ZBTB20: variants seen among roughly 807,000 people sequenced by gnomAD.
ZBTB20 encodes the protein zinc finger and BTB domain-containing protein 20.
A neutral mutation model predicts 56.9 loss-of-function variants in ZBTB20; 9 were observed. The observed-to-expected ratio is 0.16, with a 90% CI of 0.10 to 0.28. The LOEUF (loss-of-function observed/expected upper bound fraction) is 0.28. Ranked by LOEUF, ZBTB20 falls within the 10% of genes least tolerant of loss-of-function variation. The probability of loss-of-function intolerance (pLI) is 1.00; values close to 1 mark genes in which losing one functional copy is unlikely to be tolerated. For synonymous variants in ZBTB20, 417 were observed against 420.7 expected, an observed-to-expected ratio of 0.99 and a Z score of 0.11; for missense variants, 655 against 1,003.0, an observed-to-expected ratio of 0.65 and a Z score of 4.69.
chr3:114,694,141 T>C (rs1307145591), intron 5 of ZBTB20, among the ~76,000 whole-genome samples: 1 of 152,072 alleles, frequency 6.6e-6, no homozygotes, highest in Non-Finnish European at 1.5e-5. Context: ...TATAAATAAA[T>C]GTATAATATT....
At chr3:114,825,204 G>C (rs1199636053) in intron 4 of ZBTB20, among the ~76,000 whole-genome samples, 1 of 151,768 alleles carries the variant, frequency 6.6e-6, no homozygotes, top group Non-Finnish European at 1.5e-5. Context: ...TAGAATTACA[G>C]GTGGAAAGTC....
chr3:114,919,284 G>A lies in ZBTB20; in HGVS notation c.-455-18942C>T, dbSNP rs1312839943. 5.3e-5 allele frequency among the ~76,000 whole-genome samples: 8 copies of A among 152,126 alleles called. No individual in the cohort carries two copies. The East Asian group carries it at 1.3e-3, about 26-fold the overall frequency. ...AATTTGATGGTTGTCATTACAAGGT[G>A]TGTTATATATGCCTCAAGGTGACCA... On this transcript the variant is annotated intron_variant, in intron 3 of 11. Coordinates refer to ENST00000675478, the MANE Select transcript of ZBTB20 (RefSeq NM_001348800.3).
intron 1 of ZBTB20, among the ~76,000 whole-genome samples, chr3:115,085,304 C>T (rs955150132): frequency 1.3e-5 from 2 of 151,896 alleles, no homozygotes; most frequent in Admixed American, 1.3e-4. Context: ...GCCTAGCAGA[C>T]ATTTTAAGTT....
chr3:114,577,624 T>C (rs2054222790), intron 6 of ZBTB20, among the ~76,000 whole-genome samples: 1 of 152,158 alleles, frequency 6.6e-6, no homozygotes, highest in South Asian at 2.1e-4. Flanking sequence ...TCCAGCTCTT[T>C]AGAGTAATGA....
At chr3:114,451,381 G>A (rs1398599244) in intron 7 of ZBTB20, among the ~76,000 whole-genome samples, 3 of 152,054 alleles carry the variant, frequency 2.0e-5, no homozygotes, top group Non-Finnish European at 4.4e-5. Flanking sequence ...GAGGGAGTGG[G>A]CCAAGGGCAG....
intron 3 of ZBTB20, among the ~76,000 whole-genome samples, chr3:114,950,245 AATACCTATTTAAGATTTAACGTATTT>A (rs940966664): frequency 6.6e-6 from 1 of 152,186 alleles, no homozygotes; most frequent in African/African-American, 2.4e-5. Context: ...CCTATACATA[AATACCTATTTAAGATTTAACGTATTT>A]ATACCTATTT....
chr3:115,035,987 T>C (rs1345901010), intron 2 of ZBTB20, among the ~76,000 whole-genome samples: 1 of 152,146 alleles, frequency 6.6e-6, no homozygotes, highest in Non-Finnish European at 1.5e-5. Flanking sequence ...AGACAAATAT[T>C]GTATGATCCA....
At chr3:115,016,134 A>G (rs2079945264) in intron 2 of ZBTB20, among the ~76,000 whole-genome samples, 1 of 151,946 alleles carries the variant, frequency 6.6e-6, no homozygotes, top group South Asian at 2.1e-4. Context: ...GTGTCTGTTC[A>G]TGTGCTCTGC....
intron 6 of ZBTB20, among the ~76,000 whole-genome samples, chr3:114,580,887 T>C (rs1032684311): frequency 6.6e-6 from 1 of 151,928 alleles, no homozygotes; most frequent in African/African-American, 2.4e-5. Context: ...TATTTTCTAA[T>C]GTTAATGTAA....
At chr3:114,850,224 C>T (rs1480483898) in intron 4 of ZBTB20, among the ~76,000 whole-genome samples, 4 of 152,076 alleles carry the variant, frequency 2.6e-5, no homozygotes, top group South Asian at 2.1e-4. Context: ...TTTCCCAAAA[C>T]ATCCTGTATA....
intron 6 of ZBTB20, among the ~76,000 whole-genome samples, chr3:114,537,639 C>T (rs1450226921): frequency 6.6e-6 from 1 of 152,042 alleles, no homozygotes; most frequent in Non-Finnish European, 1.5e-5. Context: ...TTACTGAGTA[C>T]ATACCCAAAG....
chr3:115,039,686 A>C (rs1560516396), intron 2 of ZBTB20, among the ~76,000 whole-genome samples: 2 of 152,086 alleles, frequency 1.3e-5, no homozygotes, highest in Non-Finnish European at 2.9e-5. Flanking sequence ...TTTTATTAGC[A>C]AAGTATTAAA....
Position 114,332,722 on chromosome 3 carries a change from T to C in ZBTB20, c.*6283A>G, listed in dbSNP as rs959871055. On this transcript the variant is annotated 3_prime_UTR_variant, in exon 12 of 12. Coordinates refer to ENST00000675478, the MANE Select transcript of ZBTB20 (RefSeq NM_001348800.3). ...AGGGCTTTCTGATTTAAGGCAATAA[T>C]GCTACACTATAAGTAGCCTTTTGTG... 1 of 152,234 alleles carries C rather than the reference T, an allele frequency of 6.6e-6. No individual in the cohort carries two copies. Among genetic ancestry groups the C allele is most frequent in the Non-Finnish European group, 1.5e-5 (1 of 68,036 alleles). The allele number at this position is 152,234 out of a possible 1,614,324, so 9.4% of individuals were successfully genotyped here. A position where few individuals can be genotyped will look rare whatever the true frequency, so the allele number is the denominator to read the frequency against.
intron 7 of ZBTB20, among the ~76,000 whole-genome samples, chr3:114,489,471 T>G (rs1161592334): frequency 6.6e-6 from 1 of 152,182 alleles, no homozygotes; most frequent in Non-Finnish European, 1.5e-5. Context: ...TATTCAGATG[T>G]TATAGTGCTA....
rs114471623 is a variant in ZBTB20 at position 114,400,308 on chromosome 3, T to C, written c.-254-11203A>G. 3.2e-3 allele frequency among the ~76,000 whole-genome samples: 483 copies of C among 152,290 alleles called. 2 individuals are homozygous for C. Among genetic ancestry groups the C allele is most frequent in the African/African-American group, 0.011 (461 of 41,562 alleles). On this transcript the variant is annotated intron_variant, in intron 7 of 11. Coordinates refer to ENST00000675478, the MANE Select transcript of ZBTB20 (RefSeq NM_001348800.3). ...GTAAAATCTCTCTCTTGTAAAATGGTATTGACAATAATGTATGCTTTGCCT... is the reference window on the plus strand; with the variant it reads ...GTAAAATCTCTCTCTTGTAAAATGGCATTGACAATAATGTATGCTTTGCCT...
intron 4 of ZBTB20, among the ~76,000 whole-genome samples, chr3:114,876,121 G>T (rs376340297): frequency 2.9e-4 from 40 of 139,502 alleles, no homozygotes; most frequent in South Asian, 1.9e-3. Context: ...CCTGTAGTTT[G>T]TTTTTTTTTT....
At chr3:114,688,791 G>A (rs1394883057) in intron 6 of ZBTB20, among the ~76,000 whole-genome samples, 1 of 152,074 alleles carries the variant, frequency 6.6e-6, no homozygotes, top group African/African-American at 2.4e-5. Context: ...AAATACATTA[G>A]GTTGATTCAC....
intron 6 of ZBTB20, among the ~76,000 whole-genome samples, chr3:114,517,681 A>G (rs570104996): frequency 2.4e-3 from 358 of 151,922 alleles, no homozygotes; most frequent in African/African-American, 8.2e-3. Context: ...GGTTCAAGCA[A>G]TTCTCTGCCT....
At chr3:114,757,315 G>C (rs1560214572) in intron 5 of ZBTB20, among the ~76,000 whole-genome samples, 1 of 152,098 alleles carries the variant, frequency 6.6e-6, no homozygotes, top group Non-Finnish European at 1.5e-5. Context: ...CTTACCATAC[G>C]TCAAAAAGGT....
Sources: gnomAD v4.1 joint callset for allele counts (sites outside exome capture counted in the v4.1 genomes callset) on GRCh38, gnomAD v4.1.1 for gene constraint, MANE v1.5 for transcripts, NCBI Gene and HGNC (gene_info 2026-07-23, HGNC 2026-07-21) for gene names.